Variants in COL19A1 observed in about 807,000 individuals in gnomAD.
COL19A1 encodes the protein collagen type XIX alpha 1 chain, also known as collagen alpha-1(XIX) chain.
A neutral mutation model predicts 190.2 loss-of-function variants in COL19A1; 159 were observed. The ratio of observed to expected loss-of-function variants is 0.84; its 90% CI spans 0.73 to 0.95. The LOEUF (loss-of-function observed/expected upper bound fraction) is 0.95. Ranked by LOEUF, COL19A1 falls within the 40% of genes least tolerant of loss-of-function variation. COL19A1 has a pLI of 0.00. For synonymous variants in COL19A1, 509 were observed against 458.9 expected (o/e 1.11, Z -1.39); for missense variants, 1,418 against 1,431.9 (o/e 0.99, Z 0.16).
At chr6:70,173,086 G>A (rs984310108) in intron 41 of COL19A1, among the ~76,000 whole-genome samples, 3 of 152,146 alleles carry the variant, frequency 2.0e-5, no homozygotes, top group African/African-American at 4.8e-5. Context: ...AAAATAGGGC[G>A]GACATCATCT....
At chr6:70,064,947 G>A (rs903433233) in intron 14 of COL19A1, among the ~76,000 whole-genome samples, 28 of 152,084 alleles carry the variant, frequency 1.8e-4, no homozygotes, top group Admixed American at 3.9e-4. Flanking sequence ...ACTGCTCAAC[G>A]AAATAAAAGA....
chr6:69,926,840 T>A (rs1772430955), intron 4 of COL19A1, among the ~76,000 whole-genome samples: 1 of 151,954 alleles, frequency 6.6e-6, no homozygotes, highest in African/African-American at 2.4e-5. Context: ...CTGCCAAAAG[T>A]CAAAGAGAGA....
intron 27 of COL19A1, among the ~76,000 whole-genome samples, chr6:70,147,929 G>A (rs1178027138): frequency 3.9e-5 from 6 of 152,056 alleles, no homozygotes; most frequent in Admixed American, 6.6e-5. Context: ...GCTTTCTTAC[G>A]TTTACTGGTT....
intron 4 of COL19A1, among the ~76,000 whole-genome samples, chr6:69,911,211 A>G (rs1770890939): frequency 6.6e-6 from 1 of 152,208 alleles, no homozygotes; most frequent in South Asian, 2.1e-4. Context: ...GTGCCAACTG[A>G]TAAATCATTA....
intron 14 of COL19A1, among the ~76,000 whole-genome samples, chr6:70,061,622 G>T (rs1301659399): frequency 6.6e-6 from 1 of 152,144 alleles, no homozygotes; most frequent in East Asian, 1.9e-4. Flanking sequence ...TCTTTAAATA[G>T]TAAAGGGAGT....
At chr6:70,114,984 C>T (rs914664989) in intron 16 of COL19A1, among the ~76,000 whole-genome samples, 4 of 152,164 alleles carry the variant, frequency 2.6e-5, no homozygotes, top group African/African-American at 9.7e-5. Flanking sequence ...AGCTTATTTC[C>T]ATTTGAGTCC....
At chr6:70,120,046 G>C (rs758936696) in intron 16 of COL19A1, among the ~76,000 whole-genome samples, 1 of 152,156 alleles carries the variant, frequency 6.6e-6, no homozygotes, top group Non-Finnish European at 1.5e-5. Flanking sequence ...AGCTGAGATC[G>C]TGCCACTGCA....
intron 15 of COL19A1, among the ~76,000 whole-genome samples, chr6:70,095,871 T>G (rs1456136218): frequency 6.6e-6 from 1 of 152,190 alleles, no homozygotes; most frequent in African/African-American, 2.4e-5. Context: ...AGGATTTTCT[T>G]CCCTTTTAAG....
chr6:70,192,047 T>G lies in COL19A1; in HGVS notation c.3094+1666T>G, dbSNP rs535402772. ...TGACAAAACAGAAAAAAATGGGGTT[T>G]TTTGTTGTTGTTGTTTGGTTGGTTG... On this transcript the variant is annotated intron_variant, in intron 48 of 50. Coordinates refer to ENST00000620364, the MANE Select transcript of COL19A1 (RefSeq NM_001858.6). Among the ~76,000 whole-genome samples, 304 of 137,884 alleles carry G rather than the reference T, an allele frequency of 2.2e-3. 1 individual carries two copies. The highest frequency in any genetic ancestry group is 7.1e-3 in the African/African-American group (274 of 38,754). The allele number at this position is 137,884 out of a possible 152,430, so 90.5% of individuals were successfully genotyped here. A position where few individuals can be genotyped will look rare whatever the true frequency, so the allele number is the denominator to read the frequency against.
intron 11 of COL19A1, among the ~76,000 whole-genome samples, chr6:70,010,166 A>G (rs1777899483): frequency 6.6e-6 from 1 of 152,196 alleles, no homozygotes; most frequent in South Asian, 2.1e-4. Context: ...TTCAAATTAC[A>G]TATATGATAA....
chr6:70,113,714 C>G (rs111228334), intron 16 of COL19A1, among the ~76,000 whole-genome samples: 1 of 151,414 alleles, frequency 6.6e-6, no homozygotes, highest in South Asian at 2.1e-4. Context: ...TTCTCCTGCT[C>G]TCTTTCTAGT....
intron 4 of COL19A1, among the ~76,000 whole-genome samples, chr6:69,915,911 C>G (rs940370530): frequency 6.7e-6 from 1 of 150,284 alleles, no homozygotes; most frequent in African/African-American, 2.5e-5. Flanking sequence ...ACTACTACTT[C>G]CTGAAAATTA....
intron 12 of COL19A1, 80 bp downstream of exon 12, chr6:70,023,760 T>C (rs1778580015): frequency 7.4e-7 from 1 of 1,356,346 alleles, no homozygotes; most frequent in Non-Finnish European, 1.0e-6. Context: ...AAGATTTGCC[T>C]ATTTTTGGCA....
chr6:70,155,470 C>T (rs73746879), intron 31 of COL19A1, among the ~76,000 whole-genome samples: 2,973 of 152,210 alleles, frequency 0.02, 92 homozygotes, highest in African/African-American at 0.067. Flanking sequence ...AGCTCAGACA[C>T]TTGAAGTCAA....
In COL19A1 at chr6:69,995,517, G is replaced by A. The variant is rs184134474; in HGVS notation, c.1027-28110G>A. ...TAGATGGTTTGATTTAAGTAAAACC[G>A]TGTGATTTTTTTTTTTTTTTACCAA... On this transcript the variant is annotated intron_variant, in intron 11 of 50. Transcript: ENST00000620364. Among the ~76,000 whole-genome samples, 146 of 144,992 alleles carry A rather than the reference G, an allele frequency of 1.0e-3. 1 individual carries two copies. In the East Asian group the frequency reaches 0.02, roughly 20 times the overall value.
intron 11 of COL19A1, among the ~76,000 whole-genome samples, chr6:70,018,167 A>C (rs1008333188): frequency 1.3e-5 from 2 of 152,148 alleles, no homozygotes; most frequent in South Asian, 2.1e-4. Context: ...AGGTTGAAAG[A>C]TTACCATTAA....
intron 4 of COL19A1, among the ~76,000 whole-genome samples, chr6:69,913,165 T>C (rs1439392818): frequency 6.6e-6 from 1 of 152,208 alleles, no homozygotes; most frequent in African/African-American, 2.4e-5. Context: ...CTCTTCTGAT[T>C]TACCCACAAT....
chr6:70,034,647 T>A (rs1283396869), intron 13 of COL19A1, among the ~76,000 whole-genome samples: 2 of 152,150 alleles, frequency 1.3e-5, no homozygotes, highest in Non-Finnish European at 1.5e-5. Flanking sequence ...GCAAGTGGCT[T>A]TTGGAAAGAA....
At chr6:70,206,244 C>T (rs964343698) in intron 49 of COL19A1, among the ~76,000 whole-genome samples, 1 of 152,172 alleles carries the variant, frequency 6.6e-6, no homozygotes, top group Admixed American at 6.5e-5. Context: ...AGAATTCCTA[C>T]TGAAGAGGGC....
Sources: allele counts gnomAD v4.1 joint callset (sites outside exome capture counted in the v4.1 genomes callset), GRCh38; gene constraint gnomAD v4.1.1; transcripts MANE v1.5; gene names NCBI Gene and HGNC (gene_info 2026-07-23, HGNC 2026-07-21).